The following ERCC6L2 variants were observed in gnomAD, a reference collection of about 807,000 sequenced individuals.
ERCC6L2 encodes ERCC excision repair 6 like 2.
In ERCC6L2, 77 loss-of-function variants were observed where a neutral mutation model predicts 132.0. That is an observed-to-expected ratio of 0.58 (90% confidence interval 0.49 to 0.71). The LOEUF is 0.71. Among genes scored for constraint, ERCC6L2 ranks in the 30% least tolerant of loss-of-function variants. The pLI is 0.00. For missense variants in ERCC6L2, 1,542 were observed against 1,837.6 expected, an observed-to-expected ratio of 0.84 and a Z score of 2.94; for synonymous variants, 583 against 632.4, an observed-to-expected ratio of 0.92 and a Z score of 1.17.
chr9:95,888,017 A>T (rs1017658197), intron 2 of ERCC6L2, among the ~76,000 whole-genome samples: 6 of 150,454 alleles, frequency 4.0e-5, no homozygotes, highest in African/African-American at 1.5e-4. Flanking sequence ...TTTAGGGGAG[A>T]GCTTTGTAAA....
chr9:95,902,436 T>A (rs1001875913), intron 3 of ERCC6L2, among the ~76,000 whole-genome samples: 4 of 152,104 alleles, frequency 2.6e-5, no homozygotes, highest in East Asian at 1.9e-4. Flanking sequence ...AATGACAATT[T>A]AACAAAAATA....
In ERCC6L2 at chr9:95,960,174, G is replaced by T. The variant is rs115071753; in HGVS notation, c.1947+4161G>T. 4.1e-3 allele frequency among the ~76,000 whole-genome samples: 618 copies of T among 152,132 alleles called. 7 individuals carry two copies. The highest frequency in any genetic ancestry group is 0.014 in the African/African-American group (590 of 41,526). ...TATTCAGAAGAAAGTCCCTCCTGTT[G>T]CCCAGAAGACTAATTACTTGCACCC... On this transcript the variant is annotated intron_variant, in intron 13 of 18. Coordinates refer to ENST00000653738, the MANE Select transcript of ERCC6L2 (RefSeq NM_020207.7).
chr9:95,890,878 A>G (rs1055201097), intron 2 of ERCC6L2, among the ~76,000 whole-genome samples: 1 of 152,190 alleles, frequency 6.6e-6, no homozygotes, highest in Non-Finnish European at 1.5e-5. Context: ...CATGCTGCCC[A>G]GGCTGGCCTT....
Position 95,880,982 on chromosome 9 carries a change from G to A in ERCC6L2, c.160G>A (p.Val54Ile), listed in dbSNP as rs148041136. 165 of 1,613,946 alleles carry A rather than the reference G, an allele frequency of 1.0e-4. No homozygotes were observed. In the African/African-American group the frequency reaches 1.8e-3, roughly 17 times the overall value. The change falls in exon 2 of 19, where the codon GTC (valine) becomes ATC (isoleucine). Residue 54 changes from valine (V) to isoleucine (I), a missense_variant. Physicochemically the swap from Val to Ile is conservative, Grantham distance 29. Around this residue, in one of 4 missense-constraint regions of ERCC6L2, gnomAD observed 153 missense variants for 132.3 expected, o/e 1.16. Coordinates refer to ENST00000653738, the MANE Select transcript of ERCC6L2 (RefSeq NM_020207.7). ...TGAAAATGGCAAGTCATTTGCAGTC[G>A]TCTTATATGCAGATTTTCAAGAAAG... ...VDENGKSFAV[V>I]LYADFQERKI... is the part of the protein sequence containing the mutation.
intron 17 of ERCC6L2, among the ~76,000 whole-genome samples, chr9:95,984,569 C>T (rs1833022817): frequency 6.6e-6 from 1 of 152,002 alleles, no homozygotes; most frequent in African/African-American, 2.4e-5. Flanking sequence ...CTGCTTCAGC[C>T]AGTAGTACTT....
chr9:95,875,973 C>G lies in ERCC6L2; in HGVS notation c.-66C>G, dbSNP rs756372606. 4 of 1,533,958 alleles carry G rather than the reference C, an allele frequency of 2.6e-6. 1 individual carries two copies. In the South Asian group the frequency reaches 4.8e-5, roughly 18 times the overall value. On this transcript the variant is annotated 5_prime_UTR_variant, in exon 1 of 19. Transcript: ENST00000653738. Reference sequence around the variant, plus strand: ...CCGCCATTGGCCTGCCGGCCAGCCACCTTGCTGTCCTCCGCCGCCTTCCGG... The same window carrying G: ...CCGCCATTGGCCTGCCGGCCAGCCAGCTTGCTGTCCTCCGCCGCCTTCCGG...
At chr9:95,992,980 A>G (rs1410462173) in intron 17 of ERCC6L2, among the ~76,000 whole-genome samples, 1 of 152,264 alleles carries the variant, frequency 6.6e-6, no homozygotes, top group African/African-American at 2.4e-5. Flanking sequence ...AGTAATACAA[A>G]TAAAACTTAG....
intron 13 of ERCC6L2, among the ~76,000 whole-genome samples, chr9:95,963,454 A>T (rs1832006447): frequency 6.6e-6 from 1 of 152,092 alleles, no homozygotes; most frequent in Admixed American, 6.6e-5. Context: ...TCCTACTTAA[A>T]TATACATAAA....
Position 95,875,866 on chromosome 9 carries a change from T to G in ERCC6L2, c.-173T>G, listed in dbSNP as rs1827222377. 1.5e-6 allele frequency: 1 copy of G among 656,342 alleles called. No homozygotes were observed. The highest frequency in any genetic ancestry group is 1.8e-5 in the African/African-American group (1 of 55,384). The allele number at this position is 656,342 out of a possible 1,614,324, so 40.7% of individuals were successfully genotyped here. A position where few individuals can be genotyped will look rare whatever the true frequency, so the allele number is the denominator to read the frequency against. On this transcript the variant is annotated 5_prime_UTR_variant, in exon 1 of 19. Coordinates refer to ENST00000653738, the MANE Select transcript of ERCC6L2 (RefSeq NM_020207.7). ...TGCTTGGGTCCCCTTAGTCGCTACC[T>G]TTGCTGGGATCCCCCTCCTCCATCC... is the stretch of plus-strand genomic sequence containing the variant.
At chr9:96,025,161 A>T (rs1187330823) in intron 19 of ERCC6L2, among the ~76,000 whole-genome samples, 1 of 152,196 alleles carries the variant, frequency 6.6e-6, no homozygotes, top group Non-Finnish European at 1.5e-5. Flanking sequence ...GCAAAAAAGC[A>T]AAATCATGGA....
At chr9:95,931,816 A>C (rs1273751344) in intron 11 of ERCC6L2, among the ~76,000 whole-genome samples, 2 of 151,836 alleles carry the variant, frequency 1.3e-5, no homozygotes, top group Non-Finnish European at 2.9e-5. Context: ...TGTGCTGGGT[A>C]CAGTAGGCTT....
At chr9:96,026,777 A>ACC (rs1834374172) in intron 19 of ERCC6L2, among the ~76,000 whole-genome samples, 1 of 94,304 alleles carries the variant, frequency 1.1e-5, no homozygotes, top group Non-Finnish European at 2.0e-5. Context: ...CACCACACAC[A>ACC]AACACCACAC....
In ERCC6L2 at chr9:96,016,417, A is replaced by G. The variant is rs904365642; in HGVS notation, c.*3214A>G. On this transcript the variant is annotated 3_prime_UTR_variant, in exon 19 of 19. Coordinates refer to ENST00000653738, the MANE Select transcript of ERCC6L2 (RefSeq NM_020207.7). ...CACAATCTTTTTTACTTAAGCAATGATACCGTTTCTGGCTGAACACTCACC... is the reference window on the plus strand; with the variant it reads ...CACAATCTTTTTTACTTAAGCAATGGTACCGTTTCTGGCTGAACACTCACC... Among the ~76,000 whole-genome samples the G allele has an allele frequency of 3.9e-5, 6 of 152,218 alleles. No individual in the cohort carries two copies. Among genetic ancestry groups the G allele is most frequent in the Admixed American group, 1.3e-4 (2 of 15,280 alleles).
At chr9:95,902,395 C>T (rs949652091) in intron 3 of ERCC6L2, among the ~76,000 whole-genome samples, 5 of 152,024 alleles carry the variant, frequency 3.3e-5, no homozygotes, top group African/African-American at 1.2e-4. Flanking sequence ...ATTTTTGTAG[C>T]AATCACAACA....
At chr9:95,897,794 T>A in intron 2 of ERCC6L2, 55 bp from the exon 3 acceptor site, 1 of 1,582,874 alleles carries the variant, frequency 6.3e-7, no homozygotes. Flanking sequence ...AGCAGTGAAA[T>A]TTTGTACGTC....
Position 95,985,188 on chromosome 9 carries a change from A to G in ERCC6L2, c.3492+6973A>G, listed in dbSNP as rs549085699. Among the ~76,000 whole-genome samples, 19 of 152,302 alleles carry G rather than the reference A, an allele frequency of 1.2e-4. 3 individuals are homozygous for G. In the South Asian group the frequency reaches 3.9e-3, roughly 32 times the overall value. On this transcript the variant is annotated intron_variant, in intron 17 of 18. Coordinates refer to ENST00000653738, the MANE Select transcript of ERCC6L2 (RefSeq NM_020207.7). Reference sequence around the variant, plus strand: ...ATGTGGTATACCTGTCACTGTTGTTACTTACCTCATGTGGATTCGTTTTTT... The same window carrying G: ...ATGTGGTATACCTGTCACTGTTGTTGCTTACCTCATGTGGATTCGTTTTTT...
intron 2 of ERCC6L2, among the ~76,000 whole-genome samples, chr9:95,896,871 G>A (rs781583499): frequency 6.6e-6 from 1 of 152,132 alleles, no homozygotes; most frequent in African/African-American, 2.4e-5. Flanking sequence ...CTTGGAAGAA[G>A]ATCTTGAATC....
At chr9:95,888,377 C>T (rs759118431) in intron 2 of ERCC6L2, among the ~76,000 whole-genome samples, 1 of 152,032 alleles carries the variant, frequency 6.6e-6, no homozygotes, top group Non-Finnish European at 1.5e-5. Flanking sequence ...AGAAAGCTTT[C>T]CCAGAGTGAT....
intron 3 of ERCC6L2, among the ~76,000 whole-genome samples, chr9:95,899,201 G>C (rs964639399): frequency 2.0e-5 from 3 of 152,126 alleles, no homozygotes; most frequent in African/African-American, 7.2e-5. Context: ...TGTAATCCCA[G>C]TACTTTGGGA....
Sources: gnomAD v4.1 joint callset for allele counts (sites outside exome capture counted in the v4.1 genomes callset) on GRCh38, gnomAD v4.1.1 for gene constraint, gnomAD v4.1.1 regional missense constraint, MANE v1.5 for transcripts, NCBI Gene and HGNC (gene_info 2026-07-23, HGNC 2026-07-21) for gene names.